RPIA: variants seen among roughly 807,000 people sequenced by gnomAD.
RPIA encodes ribose 5-phosphate isomerase A.
Under a neutral mutation model 37.8 loss-of-function variants are expected in RPIA, and 29 were observed. The ratio of observed to expected loss-of-function variants is 0.77; its 90% CI spans 0.57 to 1.05. The LOEUF (loss-of-function observed/expected upper bound fraction) is 1.05. Ranked by LOEUF, RPIA falls within the 50% of genes least tolerant of loss-of-function variation. The probability of loss-of-function intolerance (pLI) is 0.00; values close to 1 mark genes in which losing one functional copy is unlikely to be tolerated. For synonymous variants in RPIA, 167 were observed against 157.0 expected (o/e 1.06, Z -0.48); for missense variants, 385 against 413.6 (o/e 0.93, Z 0.60).
At chr2:88,729,453 G>A in intron 4 of RPIA, 116 bp downstream of exon 4, 1 of 1,072,934 alleles carries the variant, frequency 9.3e-7, no homozygotes, top group Non-Finnish European at 1.4e-6. Context: ...TCAGTTAGTT[G>A]TACCAAGTTT....
At chr2:88,724,052 G>A (rs1320762459) in intron 3 of RPIA, among the ~76,000 whole-genome samples, 3 of 152,120 alleles carry the variant, frequency 2.0e-5, no homozygotes, top group African/African-American at 4.8e-5. Context: ...GAATAGAATG[G>A]GAGACAGGTT....
intron 3 of RPIA, among the ~76,000 whole-genome samples, chr2:88,705,633 A>G (rs1370412036): frequency 6.6e-6 from 1 of 152,216 alleles, no homozygotes; most frequent in Non-Finnish European, 1.5e-5. Context: ...AGAAAATACC[A>G]TTCAGGACAT....
In RPIA at chr2:88,750,197, G is replaced by C; in HGVS notation, c.*119G>C. 2.9e-6 allele frequency: 2 copies of C among 691,330 alleles called. No homozygotes were observed. The highest frequency in any genetic ancestry group is 5.3e-6 in the Non-Finnish European group (2 of 374,926). 42.8% of individuals were successfully genotyped at this position (691,330 alleles called of 1,614,324 possible). ...GCCTGGACAACTTGTGGTGGGGGGT[G>C]GGGGGAAGAGTGGGAGGGGGAGTTA... is the stretch of plus-strand genomic sequence containing the variant. On this transcript the variant is annotated 3_prime_UTR_variant, in exon 9 of 9. Coordinates refer to ENST00000283646, the MANE Select transcript of RPIA (RefSeq NM_144563.3).
At chr2:88,737,888 A>G in intron 7 of RPIA, 89 bp from the exon 8 acceptor site, 1 of 953,194 alleles carries the variant, frequency 1.0e-6, no homozygotes, top group South Asian at 1.3e-5. Context: ...TAAAATGCAT[A>G]CTTGTCTTTG....
chr2:88,722,229 C>T (rs139432485), intron 3 of RPIA, among the ~76,000 whole-genome samples: 133 of 152,000 alleles, frequency 8.8e-4, no homozygotes, highest in African/African-American at 3.1e-3. Context: ...TTGTTTTATA[C>T]ATAACCTTTA....
intron 2 of RPIA, 151 bp from the exon 3 acceptor site, chr2:88,699,858 C>G: frequency 1.3e-6 from 1 of 786,100 alleles, no homozygotes; most frequent in South Asian, 1.5e-5. Flanking sequence ...CAGTCACCAA[C>G]TTTCCCACCA....
chr2:88,729,430 T>C, intron 4 of RPIA, 93 bp downstream of exon 4: 1 of 1,263,260 alleles, frequency 7.9e-7, no homozygotes. Flanking sequence ...TCTTGTAAAA[T>C]CTAGGGAAGA....
chr2:88,733,610 G>A (rs1180752812), intron 4 of RPIA, among the ~76,000 whole-genome samples: 1 of 152,162 alleles, frequency 6.6e-6, no homozygotes, highest in African/African-American at 2.4e-5. Context: ...GGAGAGCAGT[G>A]CCTGCTGTAA....
intron 3 of RPIA, among the ~76,000 whole-genome samples, chr2:88,723,189 C>G (rs1573471489): frequency 6.6e-6 from 1 of 152,212 alleles, no homozygotes; most frequent in East Asian, 1.9e-4. Flanking sequence ...ACCGAGTGCT[C>G]TAATGGTAAG....
chr2:88,698,493 G>A lies in RPIA; in HGVS notation c.295G>A (p.Val99Met), dbSNP rs1672787093. The A allele has an allele frequency of 6.2e-7, 1 of 1,614,168 alleles. No homozygotes were observed. The highest frequency in any genetic ancestry group is 8.5e-7 in the Non-Finnish European group (1 of 1,179,986). Residue 99 changes from valine to methionine, a missense_variant, in exon 2 of 9, where the codon GTG becomes ATG. Transcript: ENST00000283646. Reference protein sequence around the residue: ...AVENHVRNNQVLGIGSGSTIV... With the variant: ...AVENHVRNNQMLGIGSGSTIV... ...CCCCGTTTTTTGGCAGAATAACCAA[G>A]TGCTGGGAATTGGAAGTGGTTCTAC...
intron 3 of RPIA, among the ~76,000 whole-genome samples, chr2:88,725,154 C>T (rs944717517): frequency 5.9e-5 from 9 of 152,124 alleles, no homozygotes; most frequent in Admixed American, 1.3e-4. Flanking sequence ...TTACTCTACA[C>T]GCTCCGGAGA....
At chr2:88,737,773 T>G (rs1451037363) in intron 7 of RPIA, among the ~76,000 whole-genome samples, 2 of 149,096 alleles carry the variant, frequency 1.3e-5, no homozygotes, top group African/African-American at 5.1e-5. Flanking sequence ...CCTCTCTCTC[T>G]CTCTCAAAAA....
intron 3 of RPIA, among the ~76,000 whole-genome samples, chr2:88,707,590 C>A (rs1672913438): frequency 6.6e-6 from 1 of 152,176 alleles, no homozygotes; most frequent in African/African-American, 2.4e-5. Flanking sequence ...TGGTAACATT[C>A]CCAAGTATCC....
chr2:88,708,848 C>T (rs1454478982), intron 3 of RPIA, among the ~76,000 whole-genome samples: 1 of 151,586 alleles, frequency 6.6e-6, no homozygotes, highest in African/African-American at 2.4e-5. Flanking sequence ...GCTCCACCTC[C>T]TGGGTTCATG....
intron 1 of RPIA, among the ~76,000 whole-genome samples, chr2:88,695,869 G>T (rs970062960): frequency 6.6e-5 from 10 of 152,124 alleles, no homozygotes; most frequent in African/African-American, 2.4e-4. Context: ...CTGTAGGTAG[G>T]AGAGGCTATA....
chr2:88,720,552 C>CA (rs1201543839), intron 3 of RPIA, among the ~76,000 whole-genome samples: 3 of 150,890 alleles, frequency 2.0e-5, no homozygotes, highest in African/African-American at 7.3e-5. Context: ...TAATAAATGT[C>CA]AAACTTCTAA....
chr2:88,735,190 C>T (rs951452151), intron 5 of RPIA, among the ~76,000 whole-genome samples: 1 of 152,168 alleles, frequency 6.6e-6, no homozygotes, highest in Non-Finnish European at 1.5e-5. Context: ...TTACTTAATC[C>T]TGTCAACTGC....
chr2:88,713,122 T>A (rs200918424), intron 3 of RPIA, among the ~76,000 whole-genome samples: 8,198 of 41,882 alleles, frequency 0.2, 236 homozygotes, highest in Middle Eastern at 0.28. Flanking sequence ...ATATATATAT[T>A]TTTTTTTTTT....
rs971120415 is a variant in RPIA at position 88,746,189 on chromosome 2, A to G, written c.839-3792A>G. On this transcript the variant is annotated intron_variant, in intron 8 of 8. Coordinates refer to ENST00000283646, the MANE Select transcript of RPIA (RefSeq NM_144563.3). ...CTGGAGTCCTTTTAAATTTTCTTTA[A>G]GTTGGTTTTCACCTTTCTCTGGTAC... Among the ~76,000 whole-genome samples the G allele has an allele frequency of 3.3e-5, 5 of 151,044 alleles. No homozygotes were observed. In the East Asian group the frequency reaches 9.7e-4, roughly 29 times the overall value.
Sources: gnomAD v4.1 joint callset for allele counts (sites outside exome capture counted in the v4.1 genomes callset) on GRCh38, gnomAD v4.1.1 for gene constraint, MANE v1.5 for transcripts, NCBI Gene and HGNC (gene_info 2026-07-23, HGNC 2026-07-21) for gene names.